Variants in CFAP47 observed in about 807,000 individuals in gnomAD.
CFAP47 encodes the protein cilia and flagella associated protein 47.
Under a neutral mutation model 148.1 loss-of-function variants are expected in CFAP47, and 29 were observed. The ratio of observed to expected loss-of-function variants is 0.20; its 90% confidence interval spans 0.15 to 0.27. CFAP47 has a LOEUF of 0.27. CFAP47 is among the 10% of genes least tolerant of loss of function. CFAP47 has a pLI of 1.00. For synonymous variants in CFAP47, 664 were observed against 577.3 expected (o/e 1.15, Z -2.15); for missense variants, 1,872 against 1,697.5 (o/e 1.10, Z -1.81).
intron 30 of CFAP47, among the ~76,000 whole-genome samples, chrX:36,091,287 C>T (rs1284872643): frequency 9.0e-6 from 1 of 111,417 alleles, no homozygotes; most frequent in East Asian, 2.8e-4. Context: ...TTTAATGGTT[C>T]CCTGATATTT....
At chrX:36,186,441 A>T (rs193012248) in intron 40 of CFAP47, among the ~76,000 whole-genome samples, 1 of 111,824 alleles carries the variant, frequency 8.9e-6, no homozygotes, top group African/African-American at 3.3e-5. Flanking sequence ...AGAAACACCT[A>T]TGTATATCAA....
intron 49 of CFAP47, among the ~76,000 whole-genome samples, chrX:36,263,547 G>A (rs1008468781): frequency 8.9e-6 from 1 of 111,859 alleles, no homozygotes; most frequent in Admixed American, 9.4e-5. Context: ...AGACAGAGGA[G>A]CCCCACCTGT....
chrX:36,358,005 C>T (rs781809561), intron 60 of CFAP47, among the ~76,000 whole-genome samples: 2 of 111,663 alleles, frequency 1.8e-5, no homozygotes, highest in South Asian at 3.8e-4. Context: ...TTTGTAAACT[C>T]CCATGTCAGG....
intron 57 of CFAP47, among the ~76,000 whole-genome samples, chrX:36,337,942 C>T (rs1444917977): frequency 1.0e-5 from 1 of 98,054 alleles, no homozygotes; most frequent in Non-Finnish European, 2.0e-5. Flanking sequence ...GATCTCGGCT[C>T]ACTGCAAGCT....
intron 1 of CFAP47, among the ~76,000 whole-genome samples, chrX:35,924,267 A>G (rs184482846): frequency 0.012 from 1,239 of 103,321 alleles, 87 homozygotes; most frequent in African/African-American, 0.04. Flanking sequence ...ATGTATGTGT[A>G]CATGTATGTG....
chrX:36,061,620 T>C (rs1014457475), intron 26 of CFAP47, among the ~76,000 whole-genome samples: 5 of 112,459 alleles, frequency 4.4e-5, no homozygotes, highest in African/African-American at 6.4e-5. Context: ...TAAAGTTACA[T>C]ATGAAATATT....
chrX:36,076,697 C>G (rs1179922467), intron 29 of CFAP47, among the ~76,000 whole-genome samples: 1 of 111,248 alleles, frequency 9.0e-6, no homozygotes, highest in Non-Finnish European at 1.9e-5. Flanking sequence ...TGTCTGTTTA[C>G]TCTGTTAATA....
At position 36,139,320 on chromosome X, in the gene CFAP47, G is replaced by A. The variant is rs143584552; in HGVS notation, c.5535+856G>A. ...GGAAGTAACATGAACAGAATGTAGA[G>A]TTTGAAAAAGTGACATACGTTAAGG... On this transcript the variant is annotated intron_variant, in intron 35 of 63. Coordinates refer to ENST00000378653, the MANE Select transcript of CFAP47 (RefSeq NM_001304548.2). Among the ~76,000 whole-genome samples, 16 of 111,459 alleles carry A rather than the reference G, an allele frequency of 1.4e-4. No individual in the cohort carries two copies. In the East Asian group the frequency reaches 4.3e-3, roughly 30 times the overall value.
chrX:36,213,472 T>G (rs782782354), intron 45 of CFAP47, among the ~76,000 whole-genome samples: 1 of 111,581 alleles, frequency 9.0e-6, no homozygotes, highest in Non-Finnish European at 1.9e-5. Flanking sequence ...AAACCTATAT[T>G]ATCAAAATTA....
chrX:36,002,496 C>A (rs780863747), intron 21 of CFAP47, among the ~76,000 whole-genome samples: 2 of 110,741 alleles, frequency 1.8e-5, no homozygotes, highest in South Asian at 3.8e-4. Context: ...GCAGGAGAGT[C>A]GCTTGAACCT....
rs1233186405 is a variant in CFAP47 at position 36,277,489 on chromosome X, T to G, written c.7445-2998T>G. Among the ~76,000 whole-genome samples the G allele has an allele frequency of 2.7e-5, 3 of 112,029 alleles. No homozygotes were observed. The East Asian group carries it at 8.5e-4, about 32-fold the overall frequency. On this transcript the variant is annotated intron_variant, in intron 49 of 63. Transcript: ENST00000378653. ...AGGACAATGCATTTTTAAAAAGAAG[T>G]GGATTTCAAACATTTTTGTCTAAGG... is the stretch of plus-strand genomic sequence containing the variant.
At chrX:36,151,515 T>C (rs776667550) in intron 37 of CFAP47, among the ~76,000 whole-genome samples, 6 of 111,908 alleles carry the variant, frequency 5.4e-5, no homozygotes, top group African/African-American at 1.6e-4. Context: ...ATTAGTGTTC[T>C]CATATTATAG....
chrX:36,206,696 A>G (rs782036870), intron 45 of CFAP47, among the ~76,000 whole-genome samples: 1 of 112,005 alleles, frequency 8.9e-6, no homozygotes, highest in East Asian at 2.8e-4. Flanking sequence ...ACTCATGAAG[A>G]CTGTGTCATA....
intron 45 of CFAP47, among the ~76,000 whole-genome samples, chrX:36,225,711 T>C (rs185782390): frequency 9.0e-6 from 1 of 111,408 alleles, no homozygotes; most frequent in African/African-American, 3.3e-5. Context: ...ATCTGTCCCA[T>C]TGGGCCCATG....
At chrX:36,093,593 A>G (rs1296139091) in intron 30 of CFAP47, among the ~76,000 whole-genome samples, 2 of 111,560 alleles carry the variant, frequency 1.8e-5, no homozygotes, top group African/African-American at 6.5e-5. Flanking sequence ...TTGCCCATTT[A>G]AAAAATGAAA....
intron 42 of CFAP47, among the ~76,000 whole-genome samples, chrX:36,192,653 C>T (rs185884625): frequency 9.0e-6 from 1 of 111,495 alleles, no homozygotes; most frequent in Non-Finnish European, 1.9e-5. Flanking sequence ...ATATAGCCAG[C>T]CCCCTCCCAA....
intron 29 of CFAP47, among the ~76,000 whole-genome samples, chrX:36,077,410 G>A (rs764886393): frequency 6.5e-5 from 7 of 107,292 alleles, no homozygotes; most frequent in Non-Finnish European, 1.2e-4. Flanking sequence ...AGCATAAAAT[G>A]TTTTTCCATT....
chrX:35,991,115 C>T (rs1312046857), intron 16 of CFAP47, among the ~76,000 whole-genome samples: 1 of 111,317 alleles, frequency 9.0e-6, no homozygotes, highest in Admixed American at 9.6e-5. Context: ...ATGACTTAGA[C>T]AAAATACTTA....
At chrX:36,093,512 T>C (rs892049960) in intron 30 of CFAP47, among the ~76,000 whole-genome samples, 1 of 111,548 alleles carries the variant, frequency 9.0e-6, no homozygotes, top group African/African-American at 3.2e-5. Flanking sequence ...TGATCAATGA[T>C]GTTAAGTACA....
Sources: allele counts gnomAD v4.1 joint callset (sites outside exome capture counted in the v4.1 genomes callset), GRCh38; gene constraint gnomAD v4.1.1; transcripts MANE v1.5; gene names NCBI Gene and HGNC (gene_info 2026-07-23, HGNC 2026-07-21).